Variants in ZNF469 observed in about 807,000 individuals in gnomAD.
ZNF469 encodes zinc finger protein 469.
In ZNF469, 1 loss-of-function variant was observed where a neutral mutation model predicts 1.0. The observed-to-expected ratio is 1.00, with a 90% confidence interval of 0.35 to 4.73. The LOEUF (loss-of-function observed/expected upper bound fraction) is 4.73. ZNF469 is among the 30% of genes most tolerant of loss of function. The pLI, the probability that ZNF469 is intolerant of heterozygous loss-of-function variation, is 0.16. For synonymous variants in ZNF469, 2,703 were observed against 2,363.4 expected (o/e 1.14, Z -4.17); for missense variants, 6,100 against 5,356.3 (o/e 1.14, Z -4.33).
At chr16:88,251,011 G>C in the ZNF469 span, among the ~76,000 whole-genome samples, 1 of 152,230 alleles carries the variant, frequency 6.6e-6, no homozygotes, top group African/African-American at 2.4e-5. Flanking sequence ...CCAAGTAGCT[G>C]GGACTACAGG....
chr16:88,137,766 C>T, the ZNF469 span, among the ~76,000 whole-genome samples: 4 of 152,210 alleles, frequency 2.6e-5, no homozygotes, highest in African/African-American at 9.7e-5. Context: ...AGAGGAAGAG[C>T]TTCTTTACAA....
the ZNF469 span, among the ~76,000 whole-genome samples, chr16:88,336,048 A>G: frequency 1.3e-5 from 2 of 151,814 alleles, no homozygotes; most frequent in African/African-American, 4.9e-5. Context: ...AATACCACAC[A>G]CGTTCATCCT....
chr16:88,111,256 CT>C, the ZNF469 span, among the ~76,000 whole-genome samples: 5 of 152,152 alleles, frequency 3.3e-5, no homozygotes, highest in Admixed American at 6.5e-5. Context: ...TTTCTAAAGA[CT>C]TTTTTTTGTG....
the ZNF469 span, among the ~76,000 whole-genome samples, chr16:88,132,778 C>T: frequency 2.6e-5 from 4 of 152,206 alleles, no homozygotes; most frequent in African/African-American, 7.2e-5. Flanking sequence ...TCTGCCATGT[C>T]AGCCCACGCT....
upstream of ZNF469, among the ~76,000 whole-genome samples, chr16:88,381,255 C>T (rs984979947): frequency 3.3e-5 from 5 of 150,670 alleles, no homozygotes; most frequent in Non-Finnish European, 4.4e-5. Context: ...CATGCACTCA[C>T]ACGCACTCAC....
the ZNF469 span, among the ~76,000 whole-genome samples, chr16:88,318,717 G>A: frequency 2.0e-5 from 3 of 152,270 alleles, no homozygotes; most frequent in Non-Finnish European, 2.9e-5. Context: ...TGCCAAGGGA[G>A]GAGTCTGAGA....
At chr16:88,420,608 T>C (rs1265174239) in intron 1 of ZNF469, among the ~76,000 whole-genome samples, 2 of 152,124 alleles carry the variant, frequency 1.3e-5, no homozygotes, top group Non-Finnish European at 2.9e-5. Context: ...TGCAGGATCA[T>C]GGAGACACGC....
chr16:88,156,495 T>G, the ZNF469 span, among the ~76,000 whole-genome samples: 1 of 152,242 alleles, frequency 6.6e-6, no homozygotes, highest in Non-Finnish European at 1.5e-5. Context: ...CTATTCTTTC[T>G]TCATCAAATA....
chr16:88,177,806 C>T, the ZNF469 span: 1 of 152,344 alleles, frequency 6.6e-6, no homozygotes, highest in African/African-American at 2.4e-5. This position sits in a 1 kb window ranked among gnomAD's most constrained non-coding sequence, Gnocchi z 4.8. Flanking sequence ...CTCCCGGGTT[C>T]AAGTGCTCCC....
chr16:88,395,456 ATGTT>A (rs1307777793), intron 1 of ZNF469, among the ~76,000 whole-genome samples: 2 of 152,142 alleles, frequency 1.3e-5, no homozygotes, highest in East Asian at 3.8e-4. Context: ...GTAACATTGT[ATGTT>A]ACACGTATTG....
At chr16:88,239,010 T>C in the ZNF469 span, among the ~76,000 whole-genome samples, 1 of 152,222 alleles carries the variant, frequency 6.6e-6, no homozygotes, top group Non-Finnish European at 1.5e-5. Context: ...CTGCCCCCTT[T>C]CTGACCTTGT....
the ZNF469 span, among the ~76,000 whole-genome samples, chr16:88,112,248 G>T: frequency 6.6e-6 from 1 of 152,140 alleles, no homozygotes; most frequent in South Asian, 2.1e-4. Context: ...GTAAACACAG[G>T]ACTGCAGACA....
At chr16:88,317,868 C>T in the ZNF469 span, among the ~76,000 whole-genome samples, 10 of 152,312 alleles carry the variant, frequency 6.6e-5, no homozygotes, top group South Asian at 2.1e-4. Flanking sequence ...GCCGCTGAAC[C>T]GGGCCTGTCT....
At chr16:88,305,071 C>A in the ZNF469 span, among the ~76,000 whole-genome samples, 1 of 152,176 alleles carries the variant, frequency 6.6e-6, no homozygotes, top group African/African-American at 2.4e-5. Context: ...GACACCCACA[C>A]AGAGCAAATG....
At chr16:88,142,494 T>C in the ZNF469 span, among the ~76,000 whole-genome samples, 3 of 152,156 alleles carry the variant, frequency 2.0e-5, no homozygotes, top group African/African-American at 7.2e-5. Context: ...AACAGCCCAG[T>C]GTGAGCCTCA....
the ZNF469 span, among the ~76,000 whole-genome samples, chr16:88,241,813 C>G: frequency 6.6e-6 from 1 of 152,158 alleles, no homozygotes; most frequent in East Asian, 1.9e-4. This position sits in a 1 kb window ranked among gnomAD's most constrained non-coding sequence, Gnocchi z 4.8. Context: ...CCAGCTGCCC[C>G]TGCCCTTCAG....
chr16:88,281,755 AT>A, the ZNF469 span, among the ~76,000 whole-genome samples: 1 of 148,174 alleles, frequency 6.7e-6, no homozygotes, highest in South Asian at 2.2e-4. Context: ...GGTCAGTACC[AT>A]GCATGGGTTA....
At chr16:88,166,093 G>C in the ZNF469 span, among the ~76,000 whole-genome samples, 1 of 152,274 alleles carries the variant, frequency 6.6e-6, no homozygotes, top group Admixed American at 6.5e-5. The surrounding 1 kb of genome is among the most constrained non-coding windows in gnomAD (Gnocchi z 4.5). Context: ...ACTGCGTGTA[G>C]AGTGAGATTC....
the ZNF469 span, among the ~76,000 whole-genome samples, chr16:88,162,460 A>G: frequency 6.6e-6 from 1 of 151,958 alleles, no homozygotes; most frequent in African/African-American, 2.4e-5. Flanking sequence ...AAGAATAATT[A>G]TTCTGCTTGT....
Sources: allele counts gnomAD v4.1 joint callset (sites outside exome capture counted in the v4.1 genomes callset), GRCh38; gene constraint gnomAD v4.1.1; non-coding constraint Gnocchi (gnomAD v3.1); transcripts MANE v1.5; gene names NCBI Gene and HGNC (gene_info 2026-07-23, HGNC 2026-07-21).